PPARGC1A: variants seen among roughly 807,000 people sequenced by gnomAD.
The protein encoded by PPARGC1A is PPARG coactivator 1 alpha.
PPARGC1A carries 25 observed loss-of-function variants against 88.7 expected under a neutral mutation model. The ratio of observed to expected loss-of-function variants is 0.28; its 90% CI spans 0.21 to 0.39. The LOEUF (loss-of-function observed/expected upper bound fraction) is 0.39, where lower values mean the gene tolerates loss of function less well. Among genes scored for constraint, PPARGC1A ranks in the 10% least tolerant of loss-of-function variants. The pLI is 1.00. For missense variants in PPARGC1A, 880 were observed against 968.7 expected, an observed-to-expected ratio of 0.91 and a Z score of 1.22; for synonymous variants, 363 against 355.6, an observed-to-expected ratio of 1.02 and a Z score of -0.24.
chr4:23,908,610 CT>C (rs1720353720), upstream of PPARGC1A, among the ~76,000 whole-genome samples: 1 of 152,106 alleles, frequency 6.6e-6, no homozygotes, highest in African/African-American at 2.4e-5. Flanking sequence ...CAGTCAGTAA[CT>C]TTAGACACGT....
At chr4:24,194,481 G>T in the PPARGC1A span, among the ~76,000 whole-genome samples, 2 of 152,086 alleles carry the variant, frequency 1.3e-5, no homozygotes, top group Admixed American at 6.6e-5. Flanking sequence ...TGCTTCTCTA[G>T]GAAACATCTG....
chr4:24,168,214 C>G, the PPARGC1A span, among the ~76,000 whole-genome samples: 1 of 152,164 alleles, frequency 6.6e-6, no homozygotes, highest in Non-Finnish European at 1.5e-5. Flanking sequence ...CTGTGGTGGT[C>G]TGAGACCGAA....
chr4:23,892,441 ATTT>A (rs5856798), upstream of PPARGC1A, among the ~76,000 whole-genome samples: 1 of 150,300 alleles, frequency 6.7e-6, no homozygotes. Flanking sequence ...TTTCCACGAT[ATTT>A]TTTTTTTGTC....
At chr4:23,907,239 G>A (rs2148893868), upstream of PPARGC1A, among the ~76,000 whole-genome samples, 1 of 152,242 alleles carries the variant, frequency 6.6e-6, no homozygotes, top group East Asian at 1.9e-4. Context: ...AAACAAGGAA[G>A]AACGAAACAT....
the PPARGC1A span, among the ~76,000 whole-genome samples, chr4:24,343,136 C>G: frequency 1.3e-5 from 2 of 152,190 alleles, no homozygotes; most frequent in African/African-American, 4.8e-5. Flanking sequence ...CTCAAGTGCC[C>G]TGGTTCAAAC....
the PPARGC1A span, among the ~76,000 whole-genome samples, chr4:24,400,678 T>C: frequency 5.3e-5 from 8 of 152,218 alleles, no homozygotes; most frequent in African/African-American, 1.9e-4. Context: ...AGGTGTCTAA[T>C]TTGCAGAAAC....
At chr4:24,467,081 G>GGAGA in the PPARGC1A span, among the ~76,000 whole-genome samples, 560 of 129,490 alleles carry the variant, frequency 4.3e-3, 5 homozygotes, top group Non-Finnish European at 5.6e-3. Context: ...AGAAAGAAAG[G>GGAGA]GAGAGAGAGA....
chr4:24,415,936 G>A, the PPARGC1A span, among the ~76,000 whole-genome samples: 3 of 152,172 alleles, frequency 2.0e-5, no homozygotes, highest in Non-Finnish European at 2.9e-5. Context: ...AGATTAAAAT[G>A]TACAGTGGGA....
intron 2 of PPARGC1A, among the ~76,000 whole-genome samples, chr4:23,850,435 C>T (rs568175423): frequency 6.6e-6 from 1 of 152,290 alleles, no homozygotes; most frequent in Non-Finnish European, 1.5e-5. Context: ...TAAAAGTAAA[C>T]TCCTGCTTTG....
intron 7 of PPARGC1A, among the ~76,000 whole-genome samples, chr4:23,821,274 C>T (rs916217785): frequency 3.3e-5 from 5 of 152,104 alleles, no homozygotes; most frequent in Non-Finnish European, 7.4e-5. Flanking sequence ...ATAAATCTTT[C>T]CTCAACAATG....
the PPARGC1A span, among the ~76,000 whole-genome samples, chr4:24,261,125 C>T: frequency 6.6e-6 from 1 of 152,194 alleles, no homozygotes; most frequent in African/African-American, 2.4e-5. Flanking sequence ...CACCCCTTTC[C>T]ACCCTACTGG....
At chr4:24,148,232 C>T in the PPARGC1A span, among the ~76,000 whole-genome samples, 1 of 152,192 alleles carries the variant, frequency 6.6e-6, no homozygotes, top group Non-Finnish European at 1.5e-5. Context: ...TGCTAGAACA[C>T]CTGCTTTGGA....
At chr4:24,169,288 G>A in the PPARGC1A span, among the ~76,000 whole-genome samples, 2 of 152,164 alleles carry the variant, frequency 1.3e-5, no homozygotes, top group South Asian at 4.1e-4. Context: ...ACAGACAAGA[G>A]GAGTCTCAAG....
At chr4:24,440,821 CA>C in the PPARGC1A span, among the ~76,000 whole-genome samples, 3 of 147,994 alleles carry the variant, frequency 2.0e-5, no homozygotes, top group South Asian at 2.3e-4. Flanking sequence ...AACAAACAAA[CA>C]AAAAAAAACA....
chr4:23,908,954 T>C (rs1162888653), upstream of PPARGC1A, among the ~76,000 whole-genome samples: 1 of 152,214 alleles, frequency 6.6e-6, no homozygotes, highest in African/African-American at 2.4e-5. Flanking sequence ...GGTGCTTAAC[T>C]TGTGTGAGAT....
the PPARGC1A span, among the ~76,000 whole-genome samples, chr4:24,013,236 C>T: frequency 6.6e-6 from 1 of 152,230 alleles, no homozygotes; most frequent in South Asian, 2.1e-4. Context: ...TTTTACCATG[C>T]ATGGAGAAGC....
the PPARGC1A span, among the ~76,000 whole-genome samples, chr4:24,146,104 A>G: frequency 6.6e-6 from 1 of 152,226 alleles, no homozygotes; most frequent in South Asian, 2.1e-4. Flanking sequence ...GAAAACATGA[A>G]TGTGTCTTCT....
the PPARGC1A span, among the ~76,000 whole-genome samples, chr4:24,001,827 C>T: frequency 2.6e-5 from 4 of 152,120 alleles, no homozygotes; most frequent in Non-Finnish European, 4.4e-5. Flanking sequence ...TAAACTCCTG[C>T]AGCTGGGTAC....
chr4:24,103,419 C>G, the PPARGC1A span, among the ~76,000 whole-genome samples: 4 of 134,078 alleles, frequency 3.0e-5, no homozygotes, highest in African/African-American at 1.2e-4. Context: ...AAATGTGGAG[C>G]CTGAAGGTGT....
Sources: gnomAD v4.1 joint callset for allele counts (sites outside exome capture counted in the v4.1 genomes callset) on GRCh38, gnomAD v4.1.1 for gene constraint, MANE v1.5 for transcripts, NCBI Gene and HGNC (gene_info 2026-07-23, HGNC 2026-07-21) for gene names.